TXNRD3: variants seen among roughly 807,000 people sequenced by gnomAD.
The protein encoded by TXNRD3 is TXNRD3 neighbor gene protein.
A neutral mutation model predicts 78.2 loss-of-function variants in TXNRD3; 68 were observed. The ratio of observed to expected loss-of-function variants is 0.87; its 90% confidence interval spans 0.72 to 1.06. The LOEUF (loss-of-function observed/expected upper bound fraction) is 1.06, where lower values mean the gene tolerates loss of function less well. TXNRD3 is among the 50% of genes least tolerant of loss of function. The probability of loss-of-function intolerance (pLI) is 0.00; values close to 1 mark genes in which losing one functional copy is unlikely to be tolerated. For missense variants in TXNRD3, 751 were observed against 809.5 expected (o/e 0.93, Z 0.88); for synonymous variants, 296 against 300.1 (o/e 0.99, Z 0.14).
Position 126,629,473 on chromosome 3 carries a change from T to C in TXNRD3, c.1198-2A>G. ...TGAACCTTTCTCCAACTGTTGAACC[T>C]AGTAAGAATGAAGAGTGTAATGATG... On this transcript the variant is annotated splice_acceptor_variant, in intron 9 of 15. Transcript: ENST00000524230. LOFTEE classifies it high-confidence loss of function. 1 of 1,532,930 alleles carries C rather than the reference T, an allele frequency of 6.5e-7. No homozygotes were observed. Among genetic ancestry groups the C allele is most frequent in the Non-Finnish European group, 8.7e-7 (1 of 1,144,326 alleles). 95.0% of individuals were successfully genotyped at this position (1,532,930 alleles called of 1,614,324 possible).
chr3:126,629,598 T>C (rs1379589044), intron 9 of TXNRD3, 127 bp from the exon 10 acceptor site: 11 of 635,710 alleles, frequency 1.7e-5, no homozygotes, highest in Non-Finnish European at 2.5e-5. Context: ...TAGGTGTTAG[T>C]ATAAGGTTTC....
chr3:126,609,176 G>A (rs1414587487), intron 14 of TXNRD3: 7 of 442,340 alleles, frequency 1.6e-5, no homozygotes, highest in South Asian at 3.2e-5. Flanking sequence ...CGTTTTCCAC[G>A]GTAACGGTGC....
intron 13 of TXNRD3, among the ~76,000 whole-genome samples, chr3:126,613,572 G>A (rs1938243484): frequency 6.6e-6 from 1 of 152,208 alleles, no homozygotes; most frequent in Non-Finnish European, 1.5e-5. Flanking sequence ...CACTGCATGT[G>A]TTGCAAAACA....
intron 6 of TXNRD3, among the ~76,000 whole-genome samples, chr3:126,638,718 T>G (rs565170627): frequency 6.6e-6 from 1 of 152,040 alleles, no homozygotes; most frequent in Admixed American, 6.5e-5. Context: ...TTGGGCAACA[T>G]AGTGAAACTC....
rs181814390 is a variant in TXNRD3, at chr3:126,631,051, G to T, written c.972-114C>A. 1.4e-4 allele frequency: 142 copies of T among 1,044,592 alleles called. No homozygotes were observed. In the African/African-American group the frequency reaches 1.9e-3, roughly 14 times the overall value. The allele number at this position is 1,044,592 out of a possible 1,614,324, so 64.7% of individuals were successfully genotyped here. ...CTGAATTATAATTTAGTGCTTGAAT[G>T]AAGCAACAGCCTTTTGAAATTTGTA... On this transcript the variant is annotated intron_variant, in intron 8 of 15. Transcript: ENST00000524230.
intron 1 of TXNRD3, among the ~76,000 whole-genome samples, chr3:126,648,002 T>C (rs1019922853): frequency 9.2e-5 from 14 of 152,096 alleles, no homozygotes; most frequent in African/African-American, 3.4e-4. Context: ...CCAAAACTGT[T>C]GAAATAAAGA....
intron 10 of TXNRD3, among the ~76,000 whole-genome samples, chr3:126,624,489 C>T (rs1261453396): frequency 1.5e-4 from 23 of 151,378 alleles, no homozygotes; most frequent in Admixed American, 1.4e-3. Flanking sequence ...GGCGTGATCT[C>T]GGCTCACTGC....
intron 12 of TXNRD3, among the ~76,000 whole-genome samples, chr3:126,618,843 G>T (rs933126145): frequency 2.1e-5 from 2 of 95,742 alleles, no homozygotes; most frequent in Non-Finnish European, 2.0e-5. Flanking sequence ...CCTACACAAG[G>T]AACTCAAACA....
rs139572502 is a variant in TXNRD3 at position 126,639,950 on chromosome 3, G to A, written c.712+2082C>T. Reference sequence around the variant, plus strand: ...ACCCCAAAATTACACTGCCAAGTCAGGAGGCCTCATTTTATCTACAACCAG... The same window carrying A: ...ACCCCAAAATTACACTGCCAAGTCAAGAGGCCTCATTTTATCTACAACCAG... On this transcript the variant is annotated intron_variant, in intron 6 of 15. Coordinates refer to ENST00000524230, the MANE Select transcript of TXNRD3 (RefSeq NM_052883.3). Among the ~76,000 whole-genome samples, 1,326 of 152,124 alleles carry A rather than the reference G, an allele frequency of 8.7e-3. 19 individuals are homozygous for A. Among genetic ancestry groups the A allele is most frequent in the African/African-American group, 0.027 (1,135 of 41,494 alleles).
intron 6 of TXNRD3, among the ~76,000 whole-genome samples, chr3:126,639,924 T>C (rs925482155): frequency 6.6e-6 from 1 of 151,914 alleles, no homozygotes; most frequent in African/African-American, 2.4e-5. Context: ...CAAATAAAAC[T>C]ACCCCAAAAT....
At chr3:126,652,646 G>A (rs1559781690) in intron 1 of TXNRD3, among the ~76,000 whole-genome samples, 1 of 152,158 alleles carries the variant, frequency 6.6e-6, no homozygotes, top group Non-Finnish European at 1.5e-5. Flanking sequence ...AGGCTAATTG[G>A]TGTATCTACA....
intron 6 of TXNRD3, among the ~76,000 whole-genome samples, chr3:126,636,899 T>C (rs1938875126): frequency 6.6e-6 from 1 of 151,896 alleles, no homozygotes; most frequent in Non-Finnish European, 1.5e-5. Flanking sequence ...TTGTAAATTT[T>C]CTTAAAACAT....
At chr3:126,616,577 C>A (rs1239319754) in intron 12 of TXNRD3, among the ~76,000 whole-genome samples, 1 of 152,284 alleles carries the variant, frequency 6.6e-6, no homozygotes, top group East Asian at 1.9e-4. Context: ...CACATCTGTA[C>A]AAACCCCCCA....
At position 126,634,063 on chromosome 3, in the gene TXNRD3, T is replaced by C. The variant is rs1329891521; in HGVS notation, c.713-12A>G. 2 of 1,489,204 alleles carry C rather than the reference T, an allele frequency of 1.3e-6. No homozygotes were observed. The highest frequency in any genetic ancestry group is 1.8e-6 in the Non-Finnish European group (2 of 1,124,164). The allele number at this position is 1,489,204 out of a possible 1,614,324, so 92.2% of individuals were successfully genotyped here. A position where few individuals can be genotyped will look rare whatever the true frequency, so the allele number is the denominator to read the frequency against. On this transcript the variant is annotated splice_polypyrimidine_tract_variant and intron_variant, in intron 6 of 15. Coordinates refer to ENST00000524230, the MANE Select transcript of TXNRD3 (RefSeq NM_052883.3). ...CCAGTTGTGCCTCACTAAGAAGAAA[T>C]AATCAGGGTGAAGATGTTAGGTGAA...
rs561405756 is a variant in TXNRD3 at position 126,626,957 on chromosome 3, A to G, written c.1290+2422T>C. On this transcript the variant is annotated intron_variant, in intron 10 of 15. Transcript: ENST00000524230. ...AAAAAAATTAGCCAGGCATGGTGGC[A>G]TGTGCCTGTGGTCCTAGCAACTAGG... Among the ~76,000 whole-genome samples, 12 of 151,978 alleles carry G rather than the reference A, an allele frequency of 7.9e-5. No individual in the cohort carries two copies. In the South Asian group the frequency reaches 2.5e-3, roughly 32 times the overall value.
intron 1 of TXNRD3, among the ~76,000 whole-genome samples, chr3:126,653,655 T>C (rs1933440680): frequency 6.6e-6 from 1 of 152,246 alleles, no homozygotes; most frequent in South Asian, 2.1e-4. Flanking sequence ...CTTGCTAAGG[T>C]AGAAATCATG....
chr3:126,638,689 C>T (rs960961588), intron 6 of TXNRD3, among the ~76,000 whole-genome samples: 4 of 151,962 alleles, frequency 2.6e-5, no homozygotes, highest in Admixed American at 6.6e-5. Flanking sequence ...GAGCTGAGAC[C>T]GCACCACTGC....
At position 126,609,407 on chromosome 3, in the gene TXNRD3, C is replaced by G. The variant is rs557041885; in HGVS notation, c.1729-774G>C. Among the ~76,000 whole-genome samples, 3 of 152,262 alleles carry G rather than the reference C, an allele frequency of 2.0e-5. No homozygotes were observed. The East Asian group carries it at 5.8e-4, about 29-fold the overall frequency. ...ACGGGCACTCCAGAGGGGAGGCAGG[C>G]AGAAGCTGCCAGGGCTGGGACTTCA... On this transcript the variant is annotated intron_variant, in intron 14 of 15. Coordinates refer to ENST00000524230, the MANE Select transcript of TXNRD3 (RefSeq NM_052883.3).
intron 12 of TXNRD3, among the ~76,000 whole-genome samples, chr3:126,620,334 T>C (rs1040665442): frequency 6.6e-6 from 1 of 150,582 alleles, no homozygotes; most frequent in African/African-American, 2.4e-5. Flanking sequence ...CAAACACTCT[T>C]AAGGAACAAC....
Sources: gnomAD v4.1 joint callset for allele counts (sites outside exome capture counted in the v4.1 genomes callset) on GRCh38, gnomAD v4.1.1 for gene constraint, MANE v1.5 for transcripts, NCBI Gene and HGNC (gene_info 2026-07-23, HGNC 2026-07-21) for gene names.